NPC1L1: variants seen among roughly 807,000 people sequenced by gnomAD.
The protein encoded by NPC1L1 is NPC1-like intracellular cholesterol transporter 1.
In NPC1L1, 98 loss-of-function variants were observed where a neutral mutation model predicts 117.0. That is an observed-to-expected ratio of 0.84 (90% CI 0.71 to 0.99). The LOEUF (loss-of-function observed/expected upper bound fraction) is 0.99, where lower values mean the gene tolerates loss of function less well. NPC1L1 is among the 50% of genes least tolerant of loss of function. The pLI, the probability that NPC1L1 is intolerant of heterozygous loss-of-function variation, is 0.00. For missense variants in NPC1L1, 1,540 were observed against 1,710.0 expected, an observed-to-expected ratio of 0.90 and a Z score of 1.75; for synonymous variants, 729 against 727.6, an observed-to-expected ratio of 1.00 and a Z score of -0.03.
Position 44,535,821 on chromosome 7 carries a change from T to C in NPC1L1, c.1983+19A>G, listed in dbSNP as rs1045021400. The C allele has an allele frequency of 1.9e-6, 3 of 1,612,272 alleles. No individual in the cohort carries two copies. The highest frequency in any genetic ancestry group is 1.1e-5 in the South Asian group (1 of 90,982). On this transcript the variant is annotated intron_variant, in intron 5 of 18. Coordinates refer to ENST00000381160, the MANE Select transcript of NPC1L1 (RefSeq NM_001101648.2). Reference sequence around the variant, plus strand: ...GGTCCTGGGCTAGCCCACTTAGCTGTGTCCCTCCCGCTTCTCACCATCACT... The same window carrying C: ...GGTCCTGGGCTAGCCCACTTAGCTGCGTCCCTCCCGCTTCTCACCATCACT...
chr7:44,521,261 A>G, intron 12 of NPC1L1, 143 bp from the exon 13 acceptor site: 1 of 1,152,414 alleles, frequency 8.7e-7, no homozygotes, highest in Non-Finnish European at 1.3e-6. Flanking sequence ...TGCATTTGTC[A>G]TTTGTGGGAG....
At position 44,516,681 on chromosome 7, in the gene NPC1L1, G is replaced by A. The variant is rs765777410; in HGVS notation, c.3519+22C>T. 11 of 1,585,720 alleles carry A rather than the reference G, an allele frequency of 6.9e-6. No homozygotes were observed. In the Admixed American group the frequency reaches 1.6e-4, roughly 23 times the overall value. Reference sequence around the variant, plus strand: ...CAACCACCCCTCCAGAGGCCCCCTGGTGCCTGTGTCTGCTGGGTTACCGAG... The same window carrying A: ...CAACCACCCCTCCAGAGGCCCCCTGATGCCTGTGTCTGCTGGGTTACCGAG... On this transcript the variant is annotated intron_variant, in intron 16 of 18. Coordinates refer to ENST00000381160, the MANE Select transcript of NPC1L1 (RefSeq NM_001101648.2).
intron 10 of NPC1L1, among the ~76,000 whole-genome samples, chr7:44,523,319 T>A (rs936301539): frequency 2.6e-5 from 4 of 152,074 alleles, no homozygotes; most frequent in Non-Finnish European, 5.9e-5. Flanking sequence ...GCCTCCCAAA[T>A]GGCTGGGATT....
chr7:44,521,024 C>T lies in NPC1L1; in HGVS notation c.3048G>A (p.Leu1016=), dbSNP rs1403236493. Residue 1016 remains leucine (L), a synonymous_variant, in exon 13 of 19, where the codon CTG becomes CTA. Transcript: ENST00000381160. The stretch of plus-strand genomic sequence containing the variant: ...GACATTTGATGTTGGGCCGGTCGTT[C>T]AGGAACCAGGGAAGATACTTATGGA... ...EQFHKYLPWF[L]NDRPNIKCPK... 6.2e-7 allele frequency: 1 copy of T among 1,614,066 alleles called. No individual in the cohort carries two copies.
rs1563202611 is a variant in NPC1L1, at chr7:44,520,784, AG to A, written c.3116del (p.Thr1039IlefsTer7). The A allele has an allele frequency of 6.2e-7, 1 of 1,614,120 alleles. No individual in the cohort carries two copies. Among genetic ancestry groups the A allele is most frequent in the Non-Finnish European group, 8.5e-7 (1 of 1,179,980 alleles). ...GCTTACCTAAAACCTGGCCATCTGAAGTCAAGTTCACAGAGGTGCTGTATGC... is the reference window on the plus strand; with the variant it reads ...GCTTACCTAAAACCTGGCCATCTGAATCAAGTTCACAGAGGTGCTGTATGC... ...LAAYSTSVNL[T>X]SDGQVLASRF... On this transcript the variant is annotated frameshift_variant, in exon 14 of 19. Transcript: ENST00000381160. LOFTEE classifies it high-confidence loss of function.
chr7:44,535,318 C>T (rs1216820199), intron 5 of NPC1L1, among the ~76,000 whole-genome samples: 13 of 151,542 alleles, frequency 8.6e-5, no homozygotes, highest in Non-Finnish European at 1.5e-5. Flanking sequence ...GAGCCGAGAT[C>T]GCGCCGTTAC....
rs371226658 is a variant in NPC1L1, at chr7:44,516,811, G to A, written c.3411C>T (p.Ser1137=). Residue 1137 remains serine (S), a synonymous_variant, in exon 16 of 19, where the codon TCC becomes TCT. Transcript: ENST00000381160. ...SCLLLGLDLR[S]GLLNLLSIVM... ...CAATGGAGAGCAGGTTGAGGAGGCC[G>A]GAGCGCAGGTCCAGGCCCAGCAGGA... 32 of 1,613,984 alleles carry A rather than the reference G, an allele frequency of 2.0e-5. No homozygotes were observed. The highest frequency in any genetic ancestry group is 6.7e-5 in the African/African-American group (5 of 74,922).
rs548069645 is a variant in NPC1L1 at position 44,536,305 on chromosome 7, G to A, written c.1805C>T (p.Ala602Val). ...WEEAFLEEMR[A>V]FQRRMAGMFQ... ...CATGCCAGCCATCCGACGCTGGAAG[G>A]CTCGCATTTCCTCTAAGAAGGCCTC... is the stretch of plus-strand genomic sequence containing the variant. The change falls in exon 4 of 19, where the codon GCC becomes GTC. Residue 602 changes from alanine to valine, a missense_variant. Ala to Val is a moderately conservative substitution (Grantham distance 64, BLOSUM62 0). Transcript: ENST00000381160. This position sits in a 1 kb window ranked among gnomAD's most constrained non-coding sequence, Gnocchi z 4.7. 58 of 1,614,222 alleles carry A rather than the reference G, an allele frequency of 3.6e-5. No homozygotes were observed. The South Asian group carries it at 6.4e-4, about 18-fold the overall frequency.
chr7:44,518,204 C>G (rs1801248264), intron 14 of NPC1L1, among the ~76,000 whole-genome samples: 1 of 151,890 alleles, frequency 6.6e-6, no homozygotes, highest in Non-Finnish European at 1.5e-5. Flanking sequence ...CAGAGTCTCA[C>G]TGTCACCGCA....
At chr7:44,521,210 C>T (rs1801343753) in intron 12 of NPC1L1, 92 bp from the exon 13 acceptor site, 6 of 1,554,570 alleles carry the variant, frequency 3.9e-6, no homozygotes, top group African/African-American at 1.4e-5. Flanking sequence ...CATCAAAGGT[C>T]CTGGGCACTC....
At position 44,541,242 on chromosome 7, in the gene NPC1L1, C is replaced by T. The variant is rs1005927121; in HGVS notation, c.18G>A (p.Leu6=). Residue 6 remains leucine (L), a synonymous_variant, in exon 1 of 19, where the codon CTG becomes CTA. Coordinates refer to ENST00000381160, the MANE Select transcript of NPC1L1 (RefSeq NM_001101648.2). MAEAG[L]RGWLLWALLL... ...GCAGGGCCCACAGCAGCCAGCCCCTCAGGCCGGCCTCCGCCATCCCAGGTC... is the reference window on the plus strand; with the variant it reads ...GCAGGGCCCACAGCAGCCAGCCCCTTAGGCCGGCCTCCGCCATCCCAGGTC... 7.0e-5 allele frequency: 109 copies of T among 1,549,910 alleles called. No individual in the cohort carries two copies. The Admixed American group carries it at 2.1e-3, about 30-fold the overall frequency.
rs777480616 is a variant in NPC1L1, at chr7:44,516,820, G to C, written c.3402C>G (p.Asp1134Glu). 6.2e-7 allele frequency: 1 copy of C among 1,614,140 alleles called. No homozygotes were observed. The highest frequency in any genetic ancestry group is 1.3e-5 in the African/African-American group (1 of 75,038). The change falls in exon 16 of 19, where the codon GAC becomes GAG. Residue 1134 changes from aspartate (D) to glutamate (E), a missense_variant. Transcript: ENST00000381160. ...FAVSCLLLGLDLRSGLLNLLS... is the reference protein window; with the variant it reads ...FAVSCLLLGLELRSGLLNLLS... ...GCAGGTTGAGGAGGCCGGAGCGCAG[G>C]TCCAGGCCCAGCAGGAGGCAGGAGA...
At chr7:44,530,019 G>A (rs1269040732) in intron 10 of NPC1L1, among the ~76,000 whole-genome samples, 1 of 142,016 alleles carries the variant, frequency 7.0e-6, no homozygotes, top group Non-Finnish European at 1.5e-5. Flanking sequence ...GGGTGACAGA[G>A]CAAGACTCCA....
chr7:44,532,821 G>A (rs1585144060), intron 8 of NPC1L1, among the ~76,000 whole-genome samples: 2 of 152,326 alleles, frequency 1.3e-5, no homozygotes, highest in Admixed American at 1.3e-4. Flanking sequence ...AGGGTCAAAT[G>A]TTACATGCAG....
chr7:44,524,129 T>A (rs568080091), intron 10 of NPC1L1, among the ~76,000 whole-genome samples: 21 of 152,290 alleles, frequency 1.4e-4, no homozygotes, highest in African/African-American at 4.8e-4. Context: ...AAAGCAACCA[T>A]AAATATAGGG....
chr7:44,536,518 C>A lies in NPC1L1; in HGVS notation c.1682-90G>T. 3 of 1,402,360 alleles carry A rather than the reference C, an allele frequency of 2.1e-6. No individual in the cohort carries two copies. Among genetic ancestry groups the A allele is most frequent in the Non-Finnish European group, 3.0e-6 (3 of 1,002,938 alleles). The allele number at this position is 1,402,360 out of a possible 1,614,324, so 86.9% of individuals were successfully genotyped here. A position where few individuals can be genotyped will look rare whatever the true frequency, so the allele number is the denominator to read the frequency against. On this transcript the variant is annotated intron_variant, in intron 3 of 18. Transcript: ENST00000381160. The surrounding 1 kb of genome is among the most constrained non-coding windows in gnomAD (Gnocchi z 4.7). ...CCCTATATTCCCTCCCCCTATCTAG[C>A]TGCACCCCTCCCATCACCCCTTGCT... is the stretch of plus-strand genomic sequence containing the variant.
In NPC1L1 at chr7:44,521,731, C is replaced by T; in HGVS notation, c.2934G>A (p.Lys978=). 6.2e-7 allele frequency: 1 copy of T among 1,614,146 alleles called. No individual in the cohort carries two copies. The highest frequency in any genetic ancestry group is 8.5e-7 in the Non-Finnish European group (1 of 1,180,022). Residue 978 remains lysine (K), a synonymous_variant, in exon 12 of 19, where the codon AAG becomes AAA. Coordinates refer to ENST00000381160, the MANE Select transcript of NPC1L1 (RefSeq NM_001101648.2). ...RLYISGPNKD[K]FCPSTVNSLN... Reference sequence around the variant, plus strand: ...ACTCACTGACGGTCGAGGGGCAGAACTTGTCCTTATTGGGGCCAGATATAT... The same window carrying T: ...ACTCACTGACGGTCGAGGGGCAGAATTTGTCCTTATTGGGGCCAGATATAT...
chr7:44,518,761 A>G lies in NPC1L1; in HGVS notation c.3137-1404T>C, dbSNP rs186726309. 1.8e-4 allele frequency: 195 copies of G among 1,097,296 alleles called. 2 individuals are homozygous for G. In the African/African-American group the frequency reaches 2.6e-3, roughly 15 times the overall value. 68.0% of individuals were successfully genotyped at this position (1,097,296 alleles called of 1,614,324 possible). ...AGTGCTACATAGGTGTGGAGAAAAAAGAAGAGAAATGTTCTTGGATACATA... is the reference window on the plus strand; with the variant it reads ...AGTGCTACATAGGTGTGGAGAAAAAGGAAGAGAAATGTTCTTGGATACATA... On this transcript the variant is annotated intron_variant, in intron 14 of 18. Transcript: ENST00000381160.
In NPC1L1 at chr7:44,521,053, G is replaced by A. The variant is rs532195161; in HGVS notation, c.3019C>T (p.Gln1007Ter). ...TMGSVRPSVE[Q>*]FHKYLPWFLN... ...AACCAGGGAAGATACTTATGGAACT[G>A]CTCCACCGAGGGCCTCACAGAGCCC... Residue 1007 changes from glutamine to a stop codon, truncating the protein, a stop_gained, in exon 13 of 19, where the codon CAG becomes TAG. Coordinates refer to ENST00000381160, the MANE Select transcript of NPC1L1 (RefSeq NM_001101648.2). LOFTEE classifies it high-confidence loss of function. 1.2e-6 allele frequency: 2 copies of A among 1,614,136 alleles called. No homozygotes were observed. The highest frequency in any genetic ancestry group is 1.7e-6 in the Non-Finnish European group (2 of 1,180,024).
Sources: allele counts gnomAD v4.1 joint callset (sites outside exome capture counted in the v4.1 genomes callset), GRCh38; gene constraint gnomAD v4.1.1; non-coding constraint Gnocchi (gnomAD v3.1); transcripts MANE v1.5; gene names NCBI Gene and HGNC (gene_info 2026-07-23, HGNC 2026-07-21).